Variants in LRRTM4 observed in about 807,000 individuals in gnomAD.
LRRTM4 encodes the protein leucine-rich repeat transmembrane neuronal protein 4.
A neutral mutation model predicts 47.6 loss-of-function variants in LRRTM4; 25 were observed. The ratio of observed to expected loss-of-function variants is 0.53; its 90% CI spans 0.38 to 0.73. LRRTM4 has a LOEUF of 0.73. Ranked by LOEUF, LRRTM4 falls within the 30% of genes least tolerant of loss-of-function variation. The pLI is 0.00. For synonymous variants in LRRTM4, 311 were observed against 269.5 expected, an observed-to-expected ratio of 1.15 and a Z score of -1.51; for missense variants, 638 against 713.4, an observed-to-expected ratio of 0.89 and a Z score of 1.20.
intron 3 of LRRTM4, among the ~76,000 whole-genome samples, chr2:77,209,640 G>T (rs746761560): frequency 6.6e-6 from 1 of 152,114 alleles, no homozygotes; most frequent in Non-Finnish European, 1.5e-5. Context: ...ACCTGCATAT[G>T]ATTTATTTAG....
intron 3 of LRRTM4, among the ~76,000 whole-genome samples, chr2:76,932,359 T>A (rs1262567541): frequency 6.6e-6 from 1 of 152,118 alleles, no homozygotes; most frequent in South Asian, 2.1e-4. Flanking sequence ...ACTCCTTGTC[T>A]CCTTCTTTCC....
Position 77,084,284 on chromosome 2 carries a change from C to T in LRRTM4, c.1552-335368G>A, listed in dbSNP as rs905694248. On this transcript the variant is annotated intron_variant, in intron 3 of 3. Transcript: ENST00000409884. ...ACACTTGTAATATGGGATGTGATGGCTAGGCTAGTTGCAACCATCTTGAAC... is the reference window on the plus strand; with the variant it reads ...ACACTTGTAATATGGGATGTGATGGTTAGGCTAGTTGCAACCATCTTGAAC... Among the ~76,000 whole-genome samples the T allele has an allele frequency of 2.6e-5, 4 of 152,272 alleles. No individual in the cohort carries two copies. The East Asian group carries it at 7.7e-4, about 29-fold the overall frequency.
chr2:76,883,824 G>A (rs963626296), intron 3 of LRRTM4, among the ~76,000 whole-genome samples: 1 of 152,034 alleles, frequency 6.6e-6, no homozygotes, highest in African/African-American at 2.4e-5. Context: ...CTGGGAGAAA[G>A]GTCTTTTATA....
intron 3 of LRRTM4, among the ~76,000 whole-genome samples, chr2:77,216,491 A>G (rs1161245226): frequency 4.7e-5 from 7 of 150,400 alleles, no homozygotes; most frequent in Admixed American, 4.6e-4. Flanking sequence ...ATGGTGAAAC[A>G]CCAATCTCAG....
At chr2:77,021,156 C>G (rs553689319) in intron 3 of LRRTM4, among the ~76,000 whole-genome samples, 11 of 151,970 alleles carry the variant, frequency 7.2e-5, no homozygotes, top group African/African-American at 2.7e-4. Flanking sequence ...ATTGCCTTAT[C>G]TATATGTATA....
At chr2:76,866,848 T>C (rs1272904753) in intron 3 of LRRTM4, among the ~76,000 whole-genome samples, 1 of 152,154 alleles carries the variant, frequency 6.6e-6, no homozygotes, top group East Asian at 1.9e-4. Flanking sequence ...TATAATCCTT[T>C]GGGTATATAC....
intron 3 of LRRTM4, among the ~76,000 whole-genome samples, chr2:77,295,542 G>A (rs1033346222): frequency 1.3e-4 from 20 of 152,126 alleles, no homozygotes; most frequent in African/African-American, 4.1e-4. Context: ...GTTTGCTAAG[G>A]CTGCCACAAG....
At chr2:77,475,599 C>A (rs1201964874) in intron 3 of LRRTM4, among the ~76,000 whole-genome samples, 2 of 152,026 alleles carry the variant, frequency 1.3e-5, no homozygotes, top group East Asian at 1.9e-4. Flanking sequence ...CTCAGATACA[C>A]TTTTTAGATT....
At chr2:77,008,546 G>A (rs1420552273) in intron 3 of LRRTM4, among the ~76,000 whole-genome samples, 6 of 152,132 alleles carry the variant, frequency 3.9e-5, no homozygotes, top group African/African-American at 1.2e-4. Flanking sequence ...AACAAATAAC[G>A]TAGGGGCTGA....
chr2:77,452,803 CTTTTT>C (rs1276951161), intron 3 of LRRTM4, among the ~76,000 whole-genome samples: 3 of 152,012 alleles, frequency 2.0e-5, no homozygotes, highest in Admixed American at 6.5e-5. Context: ...AAAATGATGG[CTTTTT>C]TAGTCAAGAT....
chr2:77,198,932 G>C (rs1673902253), intron 3 of LRRTM4, among the ~76,000 whole-genome samples: 3 of 152,200 alleles, frequency 2.0e-5, no homozygotes, highest in Non-Finnish European at 4.4e-5. Flanking sequence ...GACTGTAAAT[G>C]CTGCAGGATC....
chr2:76,860,696 T>C (rs1202975489), intron 3 of LRRTM4, among the ~76,000 whole-genome samples: 1 of 152,074 alleles, frequency 6.6e-6, no homozygotes, highest in Admixed American at 6.6e-5. Flanking sequence ...GAAACCAGAC[T>C]GTAAATTGAT....
At chr2:77,122,520 T>C (rs958758063) in intron 3 of LRRTM4, among the ~76,000 whole-genome samples, 6 of 150,336 alleles carry the variant, frequency 4.0e-5, no homozygotes, top group African/African-American at 1.2e-4. Flanking sequence ...ATATATATAA[T>C]ATATATACAC....
chr2:76,768,368 T>C (rs957507126), intron 3 of LRRTM4, among the ~76,000 whole-genome samples: 2 of 138,462 alleles, frequency 1.4e-5, no homozygotes, highest in African/African-American at 2.5e-5. Flanking sequence ...AATTGATGCA[T>C]TGGTGGATGA....
At chr2:77,335,568 A>G (rs1461315187) in intron 3 of LRRTM4, among the ~76,000 whole-genome samples, 1 of 152,176 alleles carries the variant, frequency 6.6e-6, no homozygotes, top group Non-Finnish European at 1.5e-5. Context: ...GCCCCAGCCT[A>G]TCCACTTACT....
chr2:76,978,258 A>G (rs1162018285), intron 3 of LRRTM4, among the ~76,000 whole-genome samples: 1 of 152,034 alleles, frequency 6.6e-6, no homozygotes, highest in Admixed American at 6.6e-5. Flanking sequence ...ACTGTTGAAA[A>G]TTAATACCTT....
chr2:76,780,675 A>G (rs1674325035), intron 3 of LRRTM4, among the ~76,000 whole-genome samples: 1 of 152,020 alleles, frequency 6.6e-6, no homozygotes, highest in South Asian at 2.1e-4. Flanking sequence ...TTTTTTTCAA[A>G]GTTTTCAACT....
intron 3 of LRRTM4, among the ~76,000 whole-genome samples, chr2:77,306,895 A>ATTTTTTTTTTTTTT (rs1491512359): frequency 9.6e-5 from 12 of 125,584 alleles, no homozygotes; most frequent in African/African-American, 4.7e-4. Flanking sequence ...CTGCTTTTCC[A>ATTTTTTTTTTTTTT]TATTTTTTTT....
intron 3 of LRRTM4, among the ~76,000 whole-genome samples, chr2:77,063,783 C>T (rs1679868748): frequency 6.6e-6 from 1 of 152,098 alleles, no homozygotes; most frequent in African/African-American, 2.4e-5. Context: ...TTATAATAAA[C>T]TAAAATTTTT....
Sources: gnomAD v4.1 joint callset for allele counts (sites outside exome capture counted in the v4.1 genomes callset) on GRCh38, gnomAD v4.1.1 for gene constraint, MANE v1.5 for transcripts, NCBI Gene and HGNC (gene_info 2026-07-23, HGNC 2026-07-21) for gene names.